The following IQSEC1 variants were observed in gnomAD, a reference collection of about 807,000 sequenced individuals.
IQSEC1 encodes IQ motif and SEC7 domain-containing protein 1.
A neutral mutation model predicts 91.0 loss-of-function variants in IQSEC1; 31 were observed. The ratio of observed to expected loss-of-function variants is 0.34; its 90% CI spans 0.26 to 0.46. IQSEC1 has a LOEUF of 0.46. Ranked by LOEUF, IQSEC1 falls within the 20% of genes least tolerant of loss-of-function variation. The pLI is 1.00. For missense variants in IQSEC1, 1,388 were observed against 1,575.6 expected, an observed-to-expected ratio of 0.88 and a Z score of 2.02; for synonymous variants, 699 against 662.6, an observed-to-expected ratio of 1.05 and a Z score of -0.84.
chr3:13,276,214 A>G (rs868632028), intron 1 of IQSEC1, among the ~76,000 whole-genome samples: 2 of 146,850 alleles, frequency 1.4e-5, no homozygotes, highest in East Asian at 2.1e-4. Context: ...TCAGCCTCCC[A>G]AGTAGCTGGG....
rs1701599067 is a variant in IQSEC1 at position 12,983,973 on chromosome 3, G to A, written c.24-42108C>T. Among the ~76,000 whole-genome samples, 1 of 152,140 alleles carries A rather than the reference G, an allele frequency of 6.6e-6. No homozygotes were observed. Among genetic ancestry groups the A allele is most frequent in the Admixed American group, 6.5e-5 (1 of 15,288 alleles). On this transcript the variant is annotated intron_variant, in intron 1 of 13. Transcript: ENST00000613206. This position sits in a 1 kb window ranked among gnomAD's most constrained non-coding sequence, Gnocchi z 4.3. ...AAGGGCCTTTCATACGTGGGTTCTG[G>A]GGGATAGTAACATGGTAAACAGATG...
intron 3 of IQSEC1, among the ~76,000 whole-genome samples, chr3:12,925,462 CTGT>C (rs1209538478): frequency 7.9e-5 from 12 of 152,222 alleles, no homozygotes. Context: ...GCTTCCCCTG[CTGT>C]AAACACTGAG....
intron 2 of IQSEC1, among the ~76,000 whole-genome samples, chr3:13,090,284 T>G (rs1705837804): frequency 1.3e-5 from 2 of 152,180 alleles, no homozygotes; most frequent in Admixed American, 1.3e-4. Flanking sequence ...TATTTTGGTT[T>G]GTTTCCCTAC....
At position 12,900,024 on chromosome 3, in the gene IQSEC1, G is replaced by A. The variant is rs889671999; in HGVS notation, c.*959C>T. The A allele has an allele frequency of 1.8e-5, 18 of 985,374 alleles. No homozygotes were observed. The highest frequency in any genetic ancestry group is 5.2e-4 in the Middle Eastern group (1 of 1,914). 61.0% of individuals were successfully genotyped at this position (985,374 alleles called of 1,614,324 possible). The stretch of plus-strand genomic sequence containing the variant: ...CAGCCATTAAAGTGTCTAAGAATCC[G>A]TGTAACCAATGTCCTAAGACAACCA... On this transcript the variant is annotated 3_prime_UTR_variant, in exon 14 of 14. Transcript: ENST00000613206.
At chr3:13,260,644 G>A (rs184877678) in intron 1 of IQSEC1, among the ~76,000 whole-genome samples, 42 of 152,310 alleles carry the variant, frequency 2.8e-4, no homozygotes, top group Middle Eastern at 3.4e-3. Flanking sequence ...CTGACCCGCC[G>A]CTGCCTCTTC....
At chr3:13,120,557 C>T (rs73147121) in intron 2 of IQSEC1, among the ~76,000 whole-genome samples, 9,905 of 152,218 alleles carry the variant, frequency 0.065, 953 homozygotes, top group African/African-American at 0.21. Flanking sequence ...TCCTCTTCCC[C>T]GAGGAGGAGC....
chr3:13,177,586 C>G (rs1693760071), intron 1 of IQSEC1, among the ~76,000 whole-genome samples: 1 of 152,120 alleles, frequency 6.6e-6, no homozygotes, highest in Admixed American at 6.5e-5. Context: ...TCCCTGTGGA[C>G]AGAGGTGTCT....
Position 12,924,846 on chromosome 3 carries a change from C to A in IQSEC1, c.1569-104G>T. On this transcript the variant is annotated intron_variant, in intron 3 of 13. Transcript: ENST00000613206. This position sits in a 1 kb window ranked among gnomAD's most constrained non-coding sequence, Gnocchi z 6.3. ...GGACGGTCGACATTCTCCCTCCCTG[C>A]CCACCTGCACCGGCCTTCATCCCTG... 1 of 1,068,834 alleles carries A rather than the reference C, an allele frequency of 9.4e-7. No homozygotes were observed. Among genetic ancestry groups the A allele is most frequent in the Non-Finnish European group, 1.3e-6 (1 of 752,298 alleles). The allele number at this position is 1,068,834 out of a possible 1,614,324, so 66.2% of individuals were successfully genotyped here. A position where few individuals can be genotyped will look rare whatever the true frequency, so the allele number is the denominator to read the frequency against.
rs764427757 is a variant in IQSEC1 at position 12,909,424 on chromosome 3, A to C, written c.2427T>G (p.Asn809Lys). 5 of 1,613,732 alleles carry C rather than the reference A, an allele frequency of 3.1e-6. No homozygotes were observed. Among genetic ancestry groups the C allele is most frequent in the Non-Finnish European group, 4.2e-6 (5 of 1,179,894 alleles). ...VLLFENQYYP[N>K]GIRLTSSVPG... ...GGACAGACGAGGTGAGCCGGATGCCATTGGGGTAGTCTGCAAAAGGGAAGG... is the reference window on the plus strand; with the variant it reads ...GGACAGACGAGGTGAGCCGGATGCCCTTGGGGTAGTCTGCAAAAGGGAAGG... The change falls in exon 11 of 14, where the codon AAT becomes AAG. Residue 809 changes from asparagine to lysine, a missense_variant. Physicochemically the swap from Asn to Lys is moderately conservative, Grantham distance 94 (BLOSUM62 0). Around this residue, in one of 2 missense-constraint regions of IQSEC1, gnomAD observed 1,059 missense variants for 1,317.8 expected, o/e 0.80. Transcript: ENST00000613206. This position sits in a 1 kb window ranked among gnomAD's most constrained non-coding sequence, Gnocchi z 4.9.
intron 1 of IQSEC1, among the ~76,000 whole-genome samples, chr3:13,168,244 G>A (rs375276772): frequency 3.3e-5 from 5 of 152,238 alleles, no homozygotes; most frequent in South Asian, 4.1e-4. Context: ...AAATCACCAC[G>A]ATTATTTTTC....
At chr3:13,063,426 TGGTGGC>T (rs1031650944) in intron 1 of IQSEC1, among the ~76,000 whole-genome samples, 3 of 152,236 alleles carry the variant, frequency 2.0e-5, no homozygotes, top group African/African-American at 7.2e-5. Context: ...CTGCCCACTG[TGGTGGC>T]AGGAGGCACA....
chr3:13,138,187 C>T (rs1706740995), intron 2 of IQSEC1, among the ~76,000 whole-genome samples: 1 of 152,238 alleles, frequency 6.6e-6, no homozygotes, highest in Non-Finnish European at 1.5e-5. Context: ...GGGCACAGCA[C>T]TCTCTCTCAC....
At chr3:12,903,449 G>A (rs1052202695) in intron 12 of IQSEC1, among the ~76,000 whole-genome samples, 1 of 152,210 alleles carries the variant, frequency 6.6e-6, no homozygotes, top group East Asian at 1.9e-4. Flanking sequence ...GGGGACTGCC[G>A]GAAACCGCCT....
At chr3:13,086,315 C>T (rs1705734474) in intron 2 of IQSEC1, among the ~76,000 whole-genome samples, 1 of 149,330 alleles carries the variant, frequency 6.7e-6, no homozygotes, top group Admixed American at 6.7e-5. Flanking sequence ...GGGGATGACA[C>T]AGCACATGCT....
At chr3:13,229,525 A>T (rs1694809123) in intron 1 of IQSEC1, among the ~76,000 whole-genome samples, 1 of 152,188 alleles carries the variant, frequency 6.6e-6, no homozygotes. Flanking sequence ...CCCGGGACTG[A>T]CTGTCACACG....
intron 13 of IQSEC1, among the ~76,000 whole-genome samples, chr3:12,902,440 C>T (rs1319087604): frequency 6.6e-5 from 10 of 151,912 alleles, no homozygotes; most frequent in Non-Finnish European, 1.0e-4. Context: ...GATGGTCAAC[C>T]ATGCTCAGGG....
intron 1 of IQSEC1, among the ~76,000 whole-genome samples, chr3:13,194,896 T>C (rs1298035565): frequency 1.3e-5 from 2 of 152,008 alleles, no homozygotes; most frequent in Non-Finnish European, 2.9e-5. Flanking sequence ...ACAAAACCTT[T>C]AGAAAAATAC....
At chr3:12,950,964 G>A (rs1464210056) in intron 1 of IQSEC1, among the ~76,000 whole-genome samples, 2 of 152,084 alleles carry the variant, frequency 1.3e-5, no homozygotes, top group Admixed American at 6.6e-5. Flanking sequence ...TTTTTAAATA[G>A]CTGGGAGCAG....
intron 1 of IQSEC1, among the ~76,000 whole-genome samples, chr3:12,962,805 T>C (rs1398633322): frequency 6.6e-6 from 1 of 152,186 alleles, no homozygotes; most frequent in Non-Finnish European, 1.5e-5. Flanking sequence ...ATGCAGCTCT[T>C]GGGTTCTGTG....
Sources: gnomAD v4.1 joint callset for allele counts (sites outside exome capture counted in the v4.1 genomes callset) on GRCh38, gnomAD v4.1.1 for gene constraint, gnomAD v4.1.1 regional missense constraint, Gnocchi (gnomAD v3.1) non-coding constraint, MANE v1.5 for transcripts, NCBI Gene and HGNC (gene_info 2026-07-23, HGNC 2026-07-21) for gene names.